The following IMPG1 variants were observed in gnomAD, a reference collection of about 807,000 sequenced individuals.
IMPG1 encodes interphotoreceptor matrix proteoglycan of 150 kDa.
In IMPG1, 85 loss-of-function variants were observed where a neutral mutation model predicts 92.0. That is an observed-to-expected ratio of 0.92 (90% confidence interval 0.78 to 1.11). The LOEUF is 1.11. Ranked by LOEUF, IMPG1 falls within the 50% of genes least tolerant of loss-of-function variation. The pLI is 0.00. For synonymous variants in IMPG1, 367 were observed against 334.1 expected (o/e 1.10, Z -1.08); for missense variants, 1,022 against 956.0 (o/e 1.07, Z -0.91).
chr6:76,046,428 A>G (rs538797757), intron 1 of IMPG1, among the ~76,000 whole-genome samples: 140 of 152,362 alleles, frequency 9.2e-4, no homozygotes, highest in Middle Eastern at 3.4e-3. Flanking sequence ...GGAAAGTAAT[A>G]CATTTGAATA....
chr6:75,924,540 A>AATATAATTATATAT (rs1554226467), intron 15 of IMPG1, among the ~76,000 whole-genome samples: 4 of 48,348 alleles, frequency 8.3e-5, no homozygotes, highest in African/African-American at 1.5e-4. Context: ...TAATATAATT[A>AATATAATTATATAT]TATAATATAA....
chr6:75,976,304 C>T (rs1038836147), intron 12 of IMPG1, among the ~76,000 whole-genome samples: 1 of 152,166 alleles, frequency 6.6e-6, no homozygotes, highest in African/African-American at 2.4e-5. Context: ...GTGGCTCACA[C>T]CTGTAATCCC....
At chr6:75,998,071 C>T (rs913549109) in intron 12 of IMPG1, among the ~76,000 whole-genome samples, 17 of 152,150 alleles carry the variant, frequency 1.1e-4, no homozygotes, top group African/African-American at 4.1e-4. Context: ...TGTAAAGGCA[C>T]AAGAACGTGA....
At chr6:76,041,746 A>G in intron 2 of IMPG1, 147 bp downstream of exon 2, 1 of 627,020 alleles carries the variant, frequency 1.6e-6, no homozygotes, top group Non-Finnish European at 2.9e-6. Context: ...ATTATTCATT[A>G]CTATCAGATT....
At chr6:75,964,675 CA>C (rs75154439) in intron 12 of IMPG1, among the ~76,000 whole-genome samples, 295 of 81,766 alleles carry the variant, frequency 3.6e-3, no homozygotes, top group Middle Eastern at 6.0e-3. Flanking sequence ...AGACTAGTCT[CA>C]AAAAAAAAAA....
rs1310383630 is a variant in IMPG1 at position 76,034,306 on chromosome 6, G to C, written c.497+9C>G. ...GCACACACACACACACTCTATTTTG[G>C]GTACTTGCCTGTCAGGGAAACTTCT... On this transcript the variant is annotated intron_variant, in intron 4 of 16. Transcript: ENST00000369950. 6.2e-7 allele frequency: 1 copy of C among 1,611,494 alleles called. No individual in the cohort carries two copies.
chr6:75,965,699 C>T (rs1197615535), intron 12 of IMPG1, among the ~76,000 whole-genome samples: 1 of 151,376 alleles, frequency 6.6e-6, no homozygotes, highest in African/African-American at 2.4e-5. Context: ...AGCTCCGCCT[C>T]TGGGTTCACG....
At chr6:76,050,160 C>T (rs931457573) in intron 1 of IMPG1, among the ~76,000 whole-genome samples, 1 of 152,102 alleles carries the variant, frequency 6.6e-6, no homozygotes, top group African/African-American at 2.4e-5. Flanking sequence ...TAGGTTTGGG[C>T]CGGGCACAGT....
chr6:76,041,958 T>A lies in IMPG1; in HGVS notation c.236A>T (p.Lys79Ile). 1 of 1,614,062 alleles carries A rather than the reference T, an allele frequency of 6.2e-7. No individual in the cohort carries two copies. Among genetic ancestry groups the A allele is most frequent in the Non-Finnish European group, 8.5e-7 (1 of 1,179,932 alleles). ...KRSAFFPTGV[K>I]VCPQESMKQI... ...TTTCATGGATTCCTGTGGACAGACT[T>A]TAACCCCCGTTGGGAAAAATGCGGA... The change falls in exon 2 of 17, where the codon AAA (lysine) becomes ATA (isoleucine). Residue 79 changes from lysine to isoleucine, a missense_variant. By Grantham distance (102) the Lys-to-Ile change is moderately radical. Around this residue, in one of 3 missense-constraint regions of IMPG1, gnomAD observed 681 missense variants for 583.6 expected, o/e 1.17. Coordinates refer to ENST00000369950, the MANE Select transcript of IMPG1 (RefSeq NM_001563.4).
intron 12 of IMPG1, among the ~76,000 whole-genome samples, chr6:75,992,180 T>A (rs1475055171): frequency 6.6e-6 from 1 of 152,216 alleles, no homozygotes; most frequent in African/African-American, 2.4e-5. Flanking sequence ...CAACAAGAAC[T>A]GCATCAAAGT....
intron 14 of IMPG1, among the ~76,000 whole-genome samples, chr6:75,934,484 G>T (rs567982955): frequency 1.3e-5 from 2 of 152,128 alleles, no homozygotes; most frequent in Non-Finnish European, 2.9e-5. Context: ...GACTGAGGAA[G>T]TTTGTTTCCC....
At chr6:75,970,236 A>C (rs1782382754) in intron 12 of IMPG1, among the ~76,000 whole-genome samples, 1 of 152,192 alleles carries the variant, frequency 6.6e-6, no homozygotes, top group East Asian at 1.9e-4. Flanking sequence ...TGCCTTTTCT[A>C]AGTGATTAAA....
At chr6:76,025,559 G>T (rs3798579) in intron 4 of IMPG1, among the ~76,000 whole-genome samples, 1 of 151,838 alleles carries the variant, frequency 6.6e-6, no homozygotes, top group Non-Finnish European at 1.5e-5. Context: ...GTCTAATGTT[G>T]TAGTTCCATT....
At chr6:76,036,324 G>A (rs1783741805) in intron 2 of IMPG1, among the ~76,000 whole-genome samples, 1 of 152,174 alleles carries the variant, frequency 6.6e-6, no homozygotes, top group Non-Finnish European at 1.5e-5. Flanking sequence ...GGAAGCATAA[G>A]CTACAGATCC....
intron 1 of IMPG1, among the ~76,000 whole-genome samples, chr6:76,056,126 A>G (rs1003288149): frequency 6.6e-6 from 1 of 152,142 alleles, no homozygotes; most frequent in African/African-American, 2.4e-5. Flanking sequence ...TGTATATGCA[A>G]TGTATGACCC....
intron 15 of IMPG1, among the ~76,000 whole-genome samples, chr6:75,924,573 ATAAT>A (rs371559860): frequency 5.3e-5 from 2 of 37,442 alleles, no homozygotes; most frequent in African/African-American, 8.7e-5. Context: ...TATATTATAT[ATAAT>A]TAATATAATT....
chr6:75,940,326 T>G (rs1361663095), intron 14 of IMPG1, among the ~76,000 whole-genome samples: 5 of 152,202 alleles, frequency 3.3e-5, no homozygotes, highest in Non-Finnish European at 5.9e-5. Flanking sequence ...GTCTATTTCC[T>G]TAGAACTGGT....
chr6:75,995,496 AAAT>A (rs1301175858), intron 12 of IMPG1, among the ~76,000 whole-genome samples: 2 of 152,142 alleles, frequency 1.3e-5, no homozygotes, highest in African/African-American at 4.8e-5. Flanking sequence ...CCTCTGCTGA[AAAT>A]ACCCTTCACC....
chr6:76,069,832 A>G (rs1195986139), intron 1 of IMPG1, among the ~76,000 whole-genome samples: 1 of 152,180 alleles, frequency 6.6e-6, no homozygotes, highest in Non-Finnish European at 1.5e-5. Flanking sequence ...CTTTTGCAAC[A>G]ACATGAATAA....
Sources: allele counts gnomAD v4.1 joint callset (sites outside exome capture counted in the v4.1 genomes callset), GRCh38; gene constraint gnomAD v4.1.1; regional missense constraint gnomAD v4.1.1; transcripts MANE v1.5; gene names NCBI Gene and HGNC (gene_info 2026-07-23, HGNC 2026-07-21).